Variants in MSI2 observed in about 807,000 individuals in gnomAD.
MSI2 encodes the protein musashi RNA binding protein 2.
A neutral mutation model predicts 45.6 loss-of-function variants in MSI2; 17 were observed. The ratio of observed to expected loss-of-function variants is 0.37; its 90% CI spans 0.26 to 0.56. MSI2 has a LOEUF of 0.56. Among genes scored for constraint, MSI2 ranks in the 20% least tolerant of loss-of-function variants. The pLI, the probability that MSI2 is intolerant of heterozygous loss-of-function variation, is 0.77. For synonymous variants in MSI2, 156 were observed against 158.2 expected (o/e 0.99, Z 0.11); for missense variants, 293 against 444.2 (o/e 0.66, Z 3.06).
chr17:57,590,651 G>A (rs1426033775), intron 7 of MSI2, among the ~76,000 whole-genome samples: 1 of 152,162 alleles, frequency 6.6e-6, no homozygotes, highest in Non-Finnish European at 1.5e-5. Context: ...CTGGTGTTTA[G>A]GGTTAACCTT....
rs767178152 is a variant in MSI2, at chr17:57,392,867, A to AT, written c.313-8503dup. Among the ~76,000 whole-genome samples, 322 of 150,746 alleles carry AT rather than the reference A, an allele frequency of 2.1e-3. 1 individual carries two copies. Among genetic ancestry groups the AT allele is most frequent in the Middle Eastern group, 6.8e-3 (2 of 294 alleles). On this transcript the variant is annotated intron_variant, in intron 5 of 13. Coordinates refer to ENST00000284073, the MANE Select transcript of MSI2 (RefSeq NM_138962.4). ...GGCTTAGGGATCTCTCTGGCCTGTC[A>AT]TTTTTTTTTGACAGCTTTATTGAGA... is the stretch of plus-strand genomic sequence containing the variant.
chr17:57,267,316 G>A (rs1465396291), intron 5 of MSI2: 1 of 152,282 alleles, frequency 6.6e-6, no homozygotes, highest in Non-Finnish European at 1.5e-5. Flanking sequence ...GTCAGTAGCA[G>A]GTGTCAGCTT....
At chr17:57,553,008 G>T (rs2087341510) in intron 7 of MSI2, among the ~76,000 whole-genome samples, 1 of 152,206 alleles carries the variant, frequency 6.6e-6, no homozygotes, top group Non-Finnish European at 1.5e-5. Context: ...GGATTCCAGT[G>T]ACTTCAGAAA....
chr17:57,390,701 C>G (rs138569609), intron 5 of MSI2, among the ~76,000 whole-genome samples: 1 of 152,178 alleles, frequency 6.6e-6, no homozygotes, highest in Admixed American at 6.5e-5. Flanking sequence ...TTTATACACT[C>G]GCTCCTAAGA....
intron 4 of MSI2, among the ~76,000 whole-genome samples, chr17:57,260,622 A>G (rs1907220032): frequency 1.3e-5 from 2 of 151,576 alleles, no homozygotes; most frequent in South Asian, 4.2e-4. Context: ...AGTGCTGGAC[A>G]CACCTGTAGA....
chr17:57,477,225 G>A lies in MSI2; in HGVS notation c.406-52451G>A, dbSNP rs535321158. On this transcript the variant is annotated intron_variant, in intron 6 of 13. Transcript: ENST00000284073. Reference sequence around the variant, plus strand: ...GTCGGAGGGTGAGGAAGCAGGAGCTGTTTATCTGTACTCTGGAGAGGTAAA... The same window carrying A: ...GTCGGAGGGTGAGGAAGCAGGAGCTATTTATCTGTACTCTGGAGAGGTAAA... 6.7e-5 allele frequency among the ~76,000 whole-genome samples: 10 copies of A among 149,842 alleles called. 1 individual carries two copies. Among genetic ancestry groups the A allele is most frequent in the African/African-American group, 2.5e-4 (10 of 40,570 alleles).
chr17:57,309,111 G>A (rs1373311528), intron 5 of MSI2, among the ~76,000 whole-genome samples: 1 of 152,212 alleles, frequency 6.6e-6, no homozygotes, highest in Non-Finnish European at 1.5e-5. Context: ...GTTTTCTGTG[G>A]ACTGGAGAAA....
chr17:57,311,367 G>T (rs1364113068), intron 5 of MSI2, among the ~76,000 whole-genome samples: 1 of 152,166 alleles, frequency 6.6e-6, no homozygotes, highest in Non-Finnish European at 1.5e-5. Flanking sequence ...ATCTCATTTT[G>T]CAAAGGATTA....
chr17:57,308,967 G>A (rs1289242196), intron 5 of MSI2, among the ~76,000 whole-genome samples: 1 of 152,160 alleles, frequency 6.6e-6, no homozygotes, highest in Non-Finnish European at 1.5e-5. Context: ...AGGCCACAGA[G>A]CTGTCACCTG....
chr17:57,607,036 C>T (rs551373815), intron 8 of MSI2, among the ~76,000 whole-genome samples: 3 of 152,246 alleles, frequency 2.0e-5, no homozygotes, highest in South Asian at 2.1e-4. Flanking sequence ...TCTGCTGTAA[C>T]TACGAGGCGG....
chr17:57,429,275 G>A (rs993228918), intron 6 of MSI2, among the ~76,000 whole-genome samples: 7 of 152,172 alleles, frequency 4.6e-5, no homozygotes, highest in Non-Finnish European at 8.8e-5. Flanking sequence ...GAGAGAAAAG[G>A]TTGGCCCCGG....
chr17:57,652,292 G>C lies in MSI2; in HGVS notation c.790+131G>C. The C allele has an allele frequency of 1.0e-6, 1 of 960,602 alleles. No homozygotes were observed. Among genetic ancestry groups the C allele is most frequent in the Admixed American group, 2.1e-5 (1 of 46,906 alleles). 59.5% of individuals were successfully genotyped at this position (960,602 alleles called of 1,614,324 possible). On this transcript the variant is annotated intron_variant, in intron 11 of 13. Transcript: ENST00000284073. This position sits in a 1 kb window ranked among gnomAD's most constrained non-coding sequence, Gnocchi z 4.1. ...TCACCACAGCCCCGGGGAGGGGGTG[G>C]ACGGGGAGGGGGTGGACCGGGAGGC...
chr17:57,419,113 G>A (rs990120542), intron 6 of MSI2, among the ~76,000 whole-genome samples: 4 of 151,746 alleles, frequency 2.6e-5, no homozygotes, highest in African/African-American at 7.3e-5. Context: ...CTTGATTTCT[G>A]TATTCTCTAG....
chr17:57,424,504 A>G (rs148401971), intron 6 of MSI2, among the ~76,000 whole-genome samples: 1 of 152,202 alleles, frequency 6.6e-6, no homozygotes, highest in African/African-American at 2.4e-5. Flanking sequence ...CTTCTTCTGG[A>G]GATCCTTTGA....
intron 11 of MSI2, among the ~76,000 whole-genome samples, chr17:57,658,494 C>T (rs1911762430): frequency 6.6e-6 from 1 of 152,204 alleles, no homozygotes; most frequent in Non-Finnish European, 1.5e-5. Flanking sequence ...TATAATAATG[C>T]TGACAGCTGC....
chr17:57,632,485 T>G, intron 10 of MSI2: 1 of 1,066,170 alleles, frequency 9.4e-7, no homozygotes, highest in Non-Finnish European at 1.1e-6. Flanking sequence ...ACAGGCACGG[T>G]GGGCACCGAT....
intron 5 of MSI2, among the ~76,000 whole-genome samples, chr17:57,292,766 C>G (rs971129725): frequency 1.6e-4 from 25 of 152,266 alleles, no homozygotes; most frequent in Admixed American, 1.1e-3. Flanking sequence ...TTTCTGGGGC[C>G]AGCACGGTTG....
intron 8 of MSI2, among the ~76,000 whole-genome samples, chr17:57,603,007 A>T (rs1906080878): frequency 6.6e-6 from 1 of 152,236 alleles, no homozygotes; most frequent in Non-Finnish European, 1.5e-5. Context: ...CCCAGCCATC[A>T]TCATCAGAAG....
At chr17:57,607,513 G>A (rs1245541309) in intron 8 of MSI2, among the ~76,000 whole-genome samples, 1 of 152,182 alleles carries the variant, frequency 6.6e-6, no homozygotes, top group Admixed American at 6.5e-5. Flanking sequence ...AGGTCCCCTG[G>A]TGCTTGGCCA....
Sources: gnomAD v4.1 joint callset for allele counts (sites outside exome capture counted in the v4.1 genomes callset) on GRCh38, gnomAD v4.1.1 for gene constraint, Gnocchi (gnomAD v3.1) non-coding constraint, MANE v1.5 for transcripts, NCBI Gene and HGNC (gene_info 2026-07-23, HGNC 2026-07-21) for gene names.